Variants in ANKS1B observed in about 807,000 individuals in gnomAD.
ANKS1B encodes the protein ankyrin repeat and sterile alpha motif domain-containing protein 1B.
In ANKS1B, 36 loss-of-function variants were observed where a neutral mutation model predicts 148.3. That is an observed-to-expected ratio of 0.24 (90% CI 0.19 to 0.32). The LOEUF is 0.32. Among genes scored for constraint, ANKS1B ranks in the 10% least tolerant of loss-of-function variants. The pLI is 1.00. For missense variants in ANKS1B, 1,157 were observed against 1,542.6 expected (o/e 0.75, Z 4.19); for synonymous variants, 542 against 560.8 (o/e 0.97, Z 0.47).
chr12:99,118,048 CT>C (rs1212453257), intron 15 of ANKS1B, among the ~76,000 whole-genome samples: 1 of 152,114 alleles, frequency 6.6e-6, no homozygotes, highest in Non-Finnish European at 1.5e-5. Context: ...GTGATATCCC[CT>C]TTATCATTTA....
At chr12:99,241,736 G>T (rs2089377118) in intron 14 of ANKS1B, among the ~76,000 whole-genome samples, 1 of 152,272 alleles carries the variant, frequency 6.6e-6, no homozygotes, top group African/African-American at 2.4e-5. Flanking sequence ...AGGCCAGGTT[G>T]GTTCAACATA....
intron 7 of ANKS1B, among the ~76,000 whole-genome samples, chr12:99,774,780 C>T (rs1178806947): frequency 6.6e-6 from 1 of 151,898 alleles, no homozygotes; most frequent in African/African-American, 2.4e-5. Context: ...TGTGTGTATA[C>T]ATTTATATAC....
intron 19 of ANKS1B, among the ~76,000 whole-genome samples, chr12:98,819,921 C>T (rs1391663008): frequency 1.3e-5 from 2 of 152,156 alleles, no homozygotes; most frequent in African/African-American, 4.8e-5. Context: ...TTTCACAATG[C>T]TTTACATGAA....
chr12:98,956,806 C>T (rs2153106718), intron 17 of ANKS1B, among the ~76,000 whole-genome samples: 1 of 152,258 alleles, frequency 6.6e-6, no homozygotes, highest in Admixed American at 6.5e-5. Flanking sequence ...TTCCTGCCCT[C>T]ATGAAAGTAT....
intron 10 of ANKS1B, among the ~76,000 whole-genome samples, chr12:99,450,027 T>C (rs2095705622): frequency 6.6e-6 from 1 of 152,106 alleles, no homozygotes; most frequent in South Asian, 2.1e-4. Context: ...GTTGGTAAGC[T>C]GGAGGTGCAG....
At chr12:99,973,009 T>G (rs1162074336) in intron 1 of ANKS1B, among the ~76,000 whole-genome samples, 1 of 152,292 alleles carries the variant, frequency 6.6e-6, no homozygotes, top group South Asian at 2.1e-4. Context: ...GTTTGTAGCA[T>G]GGTTTACTGA....
rs1344000384 is a variant in ANKS1B, at chr12:99,741,479, AG to A, written c.1128+31442del. ...ACTGCAGCATTATTCACAATAGCAA[AG>A]ACTTGGAACCAACCCAAATGCCCAT... On this transcript the variant is annotated intron_variant, in intron 8 of 26. Transcript: ENST00000683438. 3.9e-5 allele frequency among the ~76,000 whole-genome samples: 6 copies of A among 152,284 alleles called. No individual in the cohort carries two copies. In the East Asian group the frequency reaches 1.2e-3, roughly 29 times the overall value.
intron 1 of ANKS1B, among the ~76,000 whole-genome samples, chr12:99,941,464 TA>T (rs5800392): frequency 0.58 from 85,772 of 148,976 alleles, 25,382 homozygotes; most frequent in Middle Eastern, 0.67. Flanking sequence ...AATAGAAAGT[TA>T]AAAAAAAAAA....
At chr12:99,079,137 T>C (rs768347856) in intron 16 of ANKS1B, among the ~76,000 whole-genome samples, 8 of 152,160 alleles carry the variant, frequency 5.3e-5, no homozygotes, top group Non-Finnish European at 7.4e-5. Flanking sequence ...GAGACAGCTG[T>C]AGCTGTCTGA....
chr12:99,696,991 T>C (rs539985429), intron 8 of ANKS1B, among the ~76,000 whole-genome samples: 2 of 152,260 alleles, frequency 1.3e-5, no homozygotes, highest in African/African-American at 2.4e-5. Flanking sequence ...GCGAATACCA[T>C]ATGTCACTAG....
intron 9 of ANKS1B, among the ~76,000 whole-genome samples, chr12:99,588,676 A>G (rs1388233190): frequency 6.6e-6 from 1 of 152,056 alleles, no homozygotes; most frequent in Admixed American, 6.6e-5. Context: ...TATTCTATGG[A>G]AGGTACAATT....
intron 17 of ANKS1B, among the ~76,000 whole-genome samples, chr12:98,952,626 G>A (rs369017910): frequency 2.6e-5 from 4 of 152,074 alleles, no homozygotes; most frequent in African/African-American, 9.7e-5. Context: ...TCATCACTCT[G>A]CTGACTTACC....
At chr12:99,461,061 TATATAC>T (rs1194221394) in intron 10 of ANKS1B, among the ~76,000 whole-genome samples, 147 of 150,602 alleles carry the variant, frequency 9.8e-4, no homozygotes, top group African/African-American at 3.5e-3. Context: ...TATATATATA[TATATAC>T]ACATACACAC....
At chr12:99,684,122 A>C (rs993313643) in intron 8 of ANKS1B, among the ~76,000 whole-genome samples, 3 of 152,050 alleles carry the variant, frequency 2.0e-5, no homozygotes, top group African/African-American at 7.2e-5. Flanking sequence ...CAATCAGACA[A>C]GGCACAGAAA....
intron 17 of ANKS1B, among the ~76,000 whole-genome samples, chr12:98,984,167 C>T (rs1030954554): frequency 6.6e-6 from 1 of 152,170 alleles, no homozygotes; most frequent in African/African-American, 2.4e-5. Flanking sequence ...GGACAGAACC[C>T]TTAAGCCCAG....
At chr12:99,035,377 A>C (rs1427374709) in intron 17 of ANKS1B, among the ~76,000 whole-genome samples, 1 of 152,176 alleles carries the variant, frequency 6.6e-6, no homozygotes, top group African/African-American at 2.4e-5. Flanking sequence ...ATGCATGCTC[A>C]GGGGGGCCAA....
intron 12 of ANKS1B, among the ~76,000 whole-genome samples, chr12:99,298,460 A>G (rs1370332586): frequency 6.6e-6 from 1 of 152,132 alleles, no homozygotes; most frequent in African/African-American, 2.4e-5. Flanking sequence ...GCCTTCTGCC[A>G]TGATTGTGAG....
At chr12:99,558,350 C>T (rs1441455975) in intron 9 of ANKS1B, among the ~76,000 whole-genome samples, 2 of 152,166 alleles carry the variant, frequency 1.3e-5, no homozygotes, top group African/African-American at 4.8e-5. Flanking sequence ...GCATAGTGTG[C>T]TCACACTGGC....
chr12:99,600,706 A>G (rs967355230), intron 9 of ANKS1B, among the ~76,000 whole-genome samples: 1 of 151,956 alleles, frequency 6.6e-6, no homozygotes, highest in African/African-American at 2.4e-5. Flanking sequence ...TCAAAACTTA[A>G]CTGGGTCAAA....
Sources: allele counts gnomAD v4.1 joint callset (sites outside exome capture counted in the v4.1 genomes callset), GRCh38; gene constraint gnomAD v4.1.1; transcripts MANE v1.5; gene names NCBI Gene and HGNC (gene_info 2026-07-23, HGNC 2026-07-21).